The following SFI1 variants were observed in gnomAD, a reference collection of about 807,000 sequenced individuals.
SFI1 encodes protein SFI1 homolog.
Under a neutral mutation model 207.5 loss-of-function variants are expected in SFI1, and 195 were observed. That is an observed-to-expected ratio of 0.94 (90% CI 0.84 to 1.06). The LOEUF (loss-of-function observed/expected upper bound fraction) is 1.06, where lower values mean the gene tolerates loss of function less well. SFI1 is among the 50% of genes least tolerant of loss of function. The probability of loss-of-function intolerance (pLI) is 0.00; values close to 1 mark genes in which losing one functional copy is unlikely to be tolerated. For synonymous variants in SFI1, 630 were observed against 598.9 expected (o/e 1.05, Z -0.76); for missense variants, 1,634 against 1,588.0 (o/e 1.03, Z -0.49).
intron 4 of SFI1, among the ~76,000 whole-genome samples, chr22:31,538,843 T>A (rs1450861691): frequency 1.3e-5 from 2 of 152,180 alleles, no homozygotes; most frequent in African/African-American, 4.8e-5. Flanking sequence ...CTTCTCTAGC[T>A]GCCTCACAAC....
chr22:31,543,292 C>T (rs1175039909), intron 4 of SFI1, among the ~76,000 whole-genome samples: 1 of 152,154 alleles, frequency 6.6e-6, no homozygotes, highest in Non-Finnish European at 1.5e-5. Flanking sequence ...ATACATACCA[C>T]GCAGTGACTT....
At chr22:31,578,946 T>A (rs984549458) in intron 11 of SFI1, among the ~76,000 whole-genome samples, 4 of 152,140 alleles carry the variant, frequency 2.6e-5, no homozygotes, top group Non-Finnish European at 4.4e-5. Context: ...GCCTAAGGCA[T>A]GGGGAAGTAT....
intron 15 of SFI1, among the ~76,000 whole-genome samples, chr22:31,592,933 C>G (rs1471812388): frequency 9.4e-6 from 1 of 106,634 alleles, no homozygotes; most frequent in Non-Finnish European, 1.9e-5. Flanking sequence ...TAGGGGCGGC[C>G]GGGCAGAGGC....
intron 21 of SFI1, among the ~76,000 whole-genome samples, chr22:31,607,329 G>A (rs778321171): frequency 1.3e-5 from 2 of 152,158 alleles, no homozygotes; most frequent in South Asian, 2.1e-4. Flanking sequence ...GAGGCCGGGC[G>A]CAGTGGCTCA....
intron 2 of SFI1, among the ~76,000 whole-genome samples, chr22:31,513,281 C>A (rs1048016332): frequency 6.6e-6 from 1 of 151,874 alleles, no homozygotes; most frequent in African/African-American, 2.4e-5. Flanking sequence ...GCCTCAGACC[C>A]CCAAGTAGCT....
intron 10 of SFI1, 31 bp from the exon 11 acceptor site, chr22:31,578,351 G>A (rs751387406): frequency 3.7e-6 from 6 of 1,607,634 alleles, no homozygotes; most frequent in African/African-American, 2.7e-5. Context: ...TCAGAACCTT[G>A]TTGGGACTGG....
Position 31,613,840 on chromosome 22 carries a change from C to T in SFI1, c.2981C>T (p.Pro994Leu). Reference sequence around the variant, plus strand: ...CTGGGCCGCCTGGCTGCTGAGGAGCCCCACGCCCTGGAGCTGTGAGTAGCC... The same window carrying T: ...CTGGGCCGCCTGGCTGCTGAGGAGCTCCACGCCCTGGAGCTGTGAGTAGCC... ...GALGRLAAEE[P>L]HALELNTAHS... The change falls in exon 27 of 33, where the codon CCC becomes CTC. Residue 994 changes from proline (P) to leucine (L), a missense_variant. Transcript: ENST00000400288. The T allele has an allele frequency of 6.2e-7, 1 of 1,605,770 alleles. No individual in the cohort carries two copies. The highest frequency in any genetic ancestry group is 8.5e-7 in the Non-Finnish European group (1 of 1,176,312).
At chr22:31,545,347 A>G (rs2059967043) in intron 4 of SFI1, among the ~76,000 whole-genome samples, 1 of 151,824 alleles carries the variant, frequency 6.6e-6, no homozygotes, top group Non-Finnish European at 1.5e-5. Context: ...CCTGGGCAAC[A>G]AGAGCAAAAC....
rs2068500282 is a variant in SFI1, at chr22:31,603,734, C to T, written c.1806-10C>T. 6.6e-7 allele frequency: 1 copy of T among 1,524,090 alleles called. No homozygotes were observed. Among genetic ancestry groups the T allele is most frequent in the Non-Finnish European group, 8.7e-7 (1 of 1,148,388 alleles). 94.4% of individuals were successfully genotyped at this position (1,524,090 alleles called of 1,614,324 possible). ...GGGCTGCAGCACTGAGCTCTGCCATCTCCCCACAGGAGGACGGGCAGGGTG... is the reference window on the plus strand; with the variant it reads ...GGGCTGCAGCACTGAGCTCTGCCATTTCCCCACAGGAGGACGGGCAGGGTG... On this transcript the variant is annotated splice_polypyrimidine_tract_variant and intron_variant, in intron 17 of 32. Transcript: ENST00000400288.
At chr22:31,505,636 G>C (rs1189560455) in intron 1 of SFI1, among the ~76,000 whole-genome samples, 1 of 151,784 alleles carries the variant, frequency 6.6e-6, no homozygotes, top group Non-Finnish European at 1.5e-5. Context: ...ACAAAAAAAG[G>C]CACTTTGGGA....
intron 11 of SFI1, 81 bp downstream of exon 11, chr22:31,578,533 A>G: frequency 7.7e-7 from 1 of 1,299,282 alleles, no homozygotes; most frequent in South Asian, 1.4e-5. Context: ...GACCCCTATC[A>G]CCTTCATTAA....
At chr22:31,569,947 CAAAAAA>C (rs71202099) in intron 8 of SFI1, among the ~76,000 whole-genome samples, 1 of 131,312 alleles carries the variant, frequency 7.6e-6, no homozygotes, top group Admixed American at 7.9e-5. Flanking sequence ...GAACCTATCT[CAAAAAA>C]AAAAAAAAAA....
intron 11 of SFI1, among the ~76,000 whole-genome samples, chr22:31,578,830 C>T (rs1011657001): frequency 7.2e-5 from 11 of 152,140 alleles, no homozygotes; most frequent in East Asian, 1.9e-4. Context: ...CCTTGCTACA[C>T]GAGGTGGTCT....
chr22:31,580,440 A>G (rs2063983291), intron 12 of SFI1, 76 bp downstream of exon 12: 1 of 1,258,382 alleles, frequency 7.9e-7, no homozygotes, highest in African/African-American at 1.5e-5. Flanking sequence ...GTCTTGCCAA[A>G]TTAAGCAGAA....
intron 2 of SFI1, among the ~76,000 whole-genome samples, chr22:31,525,477 C>T (rs1453593284): frequency 6.6e-6 from 1 of 152,134 alleles, no homozygotes; most frequent in East Asian, 1.9e-4. Flanking sequence ...CCTGTAGTCT[C>T]AGCACTTTGG....
intron 7 of SFI1, among the ~76,000 whole-genome samples, chr22:31,558,468 A>ATT (rs543306404): frequency 6.9e-5 from 10 of 143,980 alleles, no homozygotes; most frequent in Non-Finnish European, 1.1e-4. Context: ...GTCTGAGTGA[A>ATT]TTTTTTTTTT....
chr22:31,523,674 A>C (rs114012728), intron 2 of SFI1, among the ~76,000 whole-genome samples: 1 of 152,164 alleles, frequency 6.6e-6, no homozygotes, highest in African/African-American at 2.4e-5. Flanking sequence ...ATAAACTTCA[A>C]ATCTGTGAAG....
intron 14 of SFI1, among the ~76,000 whole-genome samples, chr22:31,585,538 G>A (rs188444578): frequency 3.1e-3 from 474 of 152,330 alleles, no homozygotes; most frequent in African/African-American, 0.011. Flanking sequence ...TGGAGGATGT[G>A]AGGTCAGGAC....
intron 21 of SFI1, among the ~76,000 whole-genome samples, chr22:31,607,032 C>T (rs1303174665): frequency 1.3e-5 from 2 of 151,852 alleles, no homozygotes; most frequent in African/African-American, 2.4e-5. Context: ...CACTGCACTC[C>T]AGCCTGGACA....
Sources: allele counts gnomAD v4.1 joint callset (sites outside exome capture counted in the v4.1 genomes callset), GRCh38; gene constraint gnomAD v4.1.1; transcripts MANE v1.5; gene names NCBI Gene and HGNC (gene_info 2026-07-23, HGNC 2026-07-21).